Variants in CSMD1 observed in about 807,000 individuals in gnomAD.
The protein encoded by CSMD1 is CUB and sushi domain-containing protein 1.
Under a neutral mutation model 417.5 loss-of-function variants are expected in CSMD1, and 213 were observed. The observed-to-expected ratio is 0.51, with a 90% CI of 0.46 to 0.57. CSMD1 has a LOEUF of 0.57. Ranked by LOEUF, CSMD1 falls within the 20% of genes least tolerant of loss-of-function variation. The probability of loss-of-function intolerance (pLI) is 0.00; values close to 1 mark genes in which losing one functional copy is unlikely to be tolerated. For synonymous variants in CSMD1, 2,862 were observed against 1,736.8 expected (o/e 1.65, Z -16.11); for missense variants, 6,923 against 4,529.7 (o/e 1.53, Z -15.17).
chr8:3,506,683 G>C (rs985675199), intron 10 of CSMD1, among the ~76,000 whole-genome samples: 3 of 152,048 alleles, frequency 2.0e-5, no homozygotes, highest in Non-Finnish European at 4.4e-5. Flanking sequence ...AATAAACTCC[G>C]AATTTGGGGT....
chr8:4,596,890 A>C (rs1800309025), intron 2 of CSMD1, among the ~76,000 whole-genome samples: 1 of 152,178 alleles, frequency 6.6e-6, no homozygotes, highest in South Asian at 2.1e-4. Flanking sequence ...TCTGATAGCG[A>C]ATAAGTCTCA....
rs572423715 is a variant in CSMD1, at chr8:3,306,119, C to G, written c.3950+1576G>C. Among the ~76,000 whole-genome samples, 276 of 152,060 alleles carry G rather than the reference C, an allele frequency of 1.8e-3. 2 individuals are homozygous for G. The highest frequency in any genetic ancestry group is 6.1e-3 in the African/African-American group (253 of 41,468). ...TGTAGGGTGTATAATATGCATTTTC[C>G]TCACTCCACTTCATCCCATTTTATT... On this transcript the variant is annotated intron_variant, in intron 25 of 69. Coordinates refer to ENST00000635120, the MANE Select transcript of CSMD1 (RefSeq NM_033225.6).
intron 23 of CSMD1, among the ~76,000 whole-genome samples, chr8:3,332,475 G>T (rs1806968576): frequency 6.6e-6 from 1 of 152,218 alleles, no homozygotes. Context: ...GATGCTTAGG[G>T]AAGATCGAGG....
At chr8:4,272,004 T>C (rs528607413) in intron 3 of CSMD1, among the ~76,000 whole-genome samples, 128 of 152,292 alleles carry the variant, frequency 8.4e-4, no homozygotes, top group African/African-American at 2.9e-3. Context: ...TCCCCGTGAA[T>C]ACTCTATTTT....
At chr8:4,023,870 G>A (rs996405500) in intron 4 of CSMD1, among the ~76,000 whole-genome samples, 1 of 143,706 alleles carries the variant, frequency 7.0e-6, no homozygotes, top group Non-Finnish European at 1.5e-5. Flanking sequence ...GCCCGCCTTG[G>A]CCTCCCAAAG....
intron 26 of CSMD1, among the ~76,000 whole-genome samples, chr8:3,282,180 C>G (rs575316062): frequency 6.6e-6 from 1 of 152,182 alleles, no homozygotes; most frequent in Non-Finnish European, 1.5e-5. Flanking sequence ...ATGCATAACA[C>G]CAAAAGTGAA....
intron 5 of CSMD1, among the ~76,000 whole-genome samples, chr8:3,951,207 A>G (rs1811573181): frequency 6.6e-6 from 1 of 152,210 alleles, no homozygotes; most frequent in Admixed American, 6.5e-5. Flanking sequence ...CTGTATAGGT[A>G]GTTTGTGGGG....
At chr8:3,407,763 C>T (rs1812444600) in intron 14 of CSMD1, 136 bp downstream of exon 14, 1 of 777,946 alleles carries the variant, frequency 1.3e-6, no homozygotes, top group African/African-American at 1.8e-5. Flanking sequence ...TATAATTTTA[C>T]TACTGTCATT....
intron 3 of CSMD1, among the ~76,000 whole-genome samples, chr8:4,088,315 T>C (rs1391976785): frequency 6.6e-6 from 1 of 152,094 alleles, no homozygotes; most frequent in Non-Finnish European, 1.5e-5. Flanking sequence ...AAAGCTAGAG[T>C]TCACTTTTGA....
intron 5 of CSMD1, among the ~76,000 whole-genome samples, chr8:3,961,467 A>G (rs537132019): frequency 2.2e-4 from 33 of 152,292 alleles, no homozygotes; most frequent in African/African-American, 7.7e-4. Context: ...ATTAAAAATG[A>G]CATTTTAAAA....
chr8:3,975,795 C>G (rs1432844921), intron 5 of CSMD1, among the ~76,000 whole-genome samples: 6 of 152,126 alleles, frequency 3.9e-5, no homozygotes, highest in Non-Finnish European at 7.4e-5. Flanking sequence ...ACTTAAAAAA[C>G]CCATATAGGT....
intron 5 of CSMD1, among the ~76,000 whole-genome samples, chr8:3,836,641 C>G (rs760886436): frequency 2.0e-5 from 3 of 152,068 alleles, no homozygotes; most frequent in South Asian, 4.1e-4. Flanking sequence ...TCAAATTACA[C>G]ATTCACAACA....
intron 26 of CSMD1, among the ~76,000 whole-genome samples, chr8:3,268,337 C>T (rs192092045): frequency 7.8e-6 from 1 of 128,018 alleles, no homozygotes; most frequent in Non-Finnish European, 1.6e-5. Context: ...TGCTCTGTCA[C>T]CCAGGCTGGA....
chr8:4,110,585 A>G (rs1383176211), intron 3 of CSMD1, among the ~76,000 whole-genome samples: 1 of 152,114 alleles, frequency 6.6e-6, no homozygotes, highest in South Asian at 2.1e-4. Flanking sequence ...TTTTAAACAG[A>G]TTTCTGAAAA....
chr8:4,215,220 G>A (rs989086053), intron 3 of CSMD1, among the ~76,000 whole-genome samples: 2 of 152,168 alleles, frequency 1.3e-5, no homozygotes, highest in South Asian at 2.1e-4. Context: ...CGACCTCTAG[G>A]TAGAAATTCT....
At chr8:4,548,906 G>T (rs1387125580) in intron 2 of CSMD1, among the ~76,000 whole-genome samples, 1 of 152,038 alleles carries the variant, frequency 6.6e-6, no homozygotes, top group South Asian at 2.1e-4. Context: ...TTAGAATCCT[G>T]TTACCTTGGA....
chr8:4,026,793 C>A (rs960932146), intron 4 of CSMD1, among the ~76,000 whole-genome samples: 3 of 152,148 alleles, frequency 2.0e-5, no homozygotes, highest in Non-Finnish European at 2.9e-5. Flanking sequence ...TTGAAGTTGA[C>A]AAATGATTAA....
chr8:3,021,583 G>A (rs372755944), intron 51 of CSMD1, among the ~76,000 whole-genome samples: 46 of 152,154 alleles, frequency 3.0e-4, no homozygotes, highest in African/African-American at 1.1e-3. Flanking sequence ...TGAACTCTGG[G>A]AGCAAGTCTT....
intron 3 of CSMD1, among the ~76,000 whole-genome samples, chr8:4,329,839 C>G (rs1035611827): frequency 7.8e-6 from 1 of 127,904 alleles, no homozygotes; most frequent in Non-Finnish European, 1.6e-5. Context: ...GTGTGTGGCA[C>G]CACCCTGCTT....
Sources: gnomAD v4.1 joint callset for allele counts (sites outside exome capture counted in the v4.1 genomes callset) on GRCh38, gnomAD v4.1.1 for gene constraint, MANE v1.5 for transcripts, NCBI Gene and HGNC (gene_info 2026-07-23, HGNC 2026-07-21) for gene names.